Variants in RHBDD3 observed in about 807,000 individuals in gnomAD.
RHBDD3 encodes rhomboid domain containing 3.
Under a neutral mutation model 32.3 loss-of-function variants are expected in RHBDD3, and 34 were observed. That is an observed-to-expected ratio of 1.05 (90% confidence interval 0.80 to 1.40). RHBDD3 has a LOEUF of 1.40. Among genes scored for constraint, RHBDD3 ranks in the 40% most tolerant of loss-of-function variants. The pLI is 0.00. For missense variants in RHBDD3, 482 were observed against 492.6 expected (o/e 0.98, Z 0.20); for synonymous variants, 249 against 239.1 (o/e 1.04, Z -0.38).
chr22:29,261,161 C>T (rs1311603674), intron 4 of RHBDD3: 1 of 576,624 alleles, frequency 1.7e-6, no homozygotes, highest in Non-Finnish European at 3.2e-6. Context: ...GTCTGTAACT[C>T]AAGACCCACC....
At chr22:29,260,959 G>C in intron 4 of RHBDD3, 95 bp from the exon 5 acceptor site, 1 of 1,253,278 alleles carries the variant, frequency 8.0e-7, no homozygotes, top group Non-Finnish European at 1.1e-6. Flanking sequence ...AAGTGTGCTG[G>C]CCACCATTCC....
chr22:29,263,740 G>T (rs2015458945), intron 4 of RHBDD3, 95 bp downstream of exon 4: 2 of 1,443,824 alleles, frequency 1.4e-6, no homozygotes, highest in South Asian at 2.9e-5. Context: ...CCTTGGTATT[G>T]CTTGGGCCTT....
rs374925359 is a variant in RHBDD3 at position 29,265,552 on chromosome 22, C to T, written c.75G>A (p.Met25Ile). Residue 25 changes from methionine (M) to isoleucine (I), a missense_variant, in exon 3 of 7, where the codon ATG becomes ATA. Physicochemically the swap from Met to Ile is conservative, Grantham distance 10. Coordinates refer to ENST00000216085, the MANE Select transcript of RHBDD3 (RefSeq NM_012265.3). ...CGGCCCCCACCAGCCACAGGGTGCTCATCAGCAGCATCAGGACTGAGGAGG... is the reference window on the plus strand; with the variant it reads ...CGGCCCCCACCAGCCACAGGGTGCTTATCAGCAGCATCAGGACTGAGGAGG... Reference protein sequence around the residue: ...PLASSVLMLLMSTLWLVGAGP... With the variant: ...PLASSVLMLLISTLWLVGAGP... 5.0e-6 allele frequency: 8 copies of T among 1,588,080 alleles called. No individual in the cohort carries two copies. Among genetic ancestry groups the T allele is most frequent in the Non-Finnish European group, 6.0e-6 (7 of 1,170,786 alleles).
intron 3 of RHBDD3, chr22:29,265,242 G>A (rs1364692096): frequency 1.8e-5 from 7 of 393,702 alleles, no homozygotes; most frequent in Non-Finnish European, 3.1e-5. Context: ...TGCTAGAAAG[G>A]GAAACCATGA....
rs765186892 is a variant in RHBDD3, at chr22:29,260,735, G to T, written c.662C>A (p.Ala221Glu). Residue 221 changes from alanine to glutamate, a missense_variant, in exon 5 of 7, where the codon GCG becomes GAG. Transcript: ENST00000216085. ...GGCAGGATGGGTGACAGGCAGCTCC[G>T]CCAGGCTACCCGGGGTGGCAAGGAG... ...LRLLATPGSL[A>E]ELPVTHPAGV... The T allele has an allele frequency of 2.5e-6, 4 of 1,594,796 alleles. No individual in the cohort carries two copies. Among genetic ancestry groups the T allele is most frequent in the South Asian group, 2.3e-5 (2 of 88,034 alleles).
chr22:29,263,721 T>G, intron 4 of RHBDD3, 114 bp downstream of exon 4: 3 of 1,431,766 alleles, frequency 2.1e-6, no homozygotes, highest in Non-Finnish European at 2.7e-6. Context: ...GGAATGTGTG[T>G]GCACGGCTCC....
Position 29,260,529 on chromosome 22 carries a change from C to T in RHBDD3, c.780G>A (p.Leu260=). The stretch of plus-strand genomic sequence containing the variant: ...CCTCCCAGGTGGGCTGCACAGGCCT[C>T]AGGCTTGGTGGGGGCAGGGCTGAGT... ...WEDSALPPPS[L]RPVQPTWEGS... is the part of the protein sequence containing the mutation. Residue 260 remains leucine (L), a synonymous_variant, in exon 6 of 7, where the codon CTG becomes CTA. Coordinates refer to ENST00000216085, the MANE Select transcript of RHBDD3 (RefSeq NM_012265.3). 6.3e-7 allele frequency: 1 copy of T among 1,598,068 alleles called. No individual in the cohort carries two copies. The highest frequency in any genetic ancestry group is 8.5e-7 in the Non-Finnish European group (1 of 1,174,852).
At chr22:29,265,429 C>T (rs747083616) in intron 3 of RHBDD3, 50 bp downstream of exon 3, 1 of 1,450,778 alleles carries the variant, frequency 6.9e-7, no homozygotes, top group Non-Finnish European at 9.1e-7. Flanking sequence ...GGGCCCAGGC[C>T]CTACAGCAAG....
chr22:29,260,966 T>G, intron 4 of RHBDD3, 102 bp from the exon 5 acceptor site: 2 of 1,137,100 alleles, frequency 1.8e-6, no homozygotes, highest in Non-Finnish European at 2.4e-6. Flanking sequence ...CTGGCCACCA[T>G]TCCCTCCCGT....
intron 4 of RHBDD3, among the ~76,000 whole-genome samples, chr22:29,262,491 C>G (rs942084185): frequency 6.6e-6 from 1 of 152,094 alleles, no homozygotes; most frequent in South Asian, 2.1e-4. Context: ...TCCAGGTTTG[C>G]TTTTCTTTTT....
In RHBDD3 at chr22:29,260,422, A is replaced by T. The variant is rs766498937; in HGVS notation, c.887T>A (p.Met296Lys). 6.2e-7 allele frequency: 1 copy of T among 1,612,488 alleles called. No homozygotes were observed. Among genetic ancestry groups the T allele is most frequent in the South Asian group, 1.1e-5 (1 of 90,746 alleles). ...TPMWAALDEQ[M>K]LQEGIQASLL... Reference sequence around the variant, plus strand: ...CGAGGCCTGGATGCCCTCCTGCAGCATCTGCTCATCCAAGGCCGCCCACAT... The same window carrying T: ...CGAGGCCTGGATGCCCTCCTGCAGCTTCTGCTCATCCAAGGCCGCCCACAT... Residue 296 changes from methionine to lysine, a missense_variant, in exon 6 of 7, where the codon ATG becomes AAG. Physicochemically the swap from Met to Lys is moderately conservative, Grantham distance 95. Transcript: ENST00000216085.
Position 29,260,087 on chromosome 22 carries a change from G to C in RHBDD3, c.1134C>G (p.Ala378=), listed in dbSNP as rs2058091748. Residue 378 remains alanine (A), a synonymous_variant, in exon 7 of 7, where the codon GCC becomes GCG. Coordinates refer to ENST00000216085, the MANE Select transcript of RHBDD3 (RefSeq NM_012265.3). ...AGGGAGGCCCAGGACCCTCGGAGTGGGCAGGCCCACCCTTTCCATGGGTCA... is the reference window on the plus strand; with the variant it reads ...AGGGAGGCCCAGGACCCTCGGAGTGCGCAGGCCCACCCTTTCCATGGGTCA... ...TLVTHGKGGP[A]HSEGPGPP The C allele has an allele frequency of 6.4e-7, 1 of 1,573,028 alleles. No homozygotes were observed. Among genetic ancestry groups the C allele is most frequent in the Non-Finnish European group, 8.6e-7 (1 of 1,159,700 alleles).
intron 2 of RHBDD3, 70 bp downstream of exon 2, chr22:29,267,356 A>T (rs780741638): frequency 1.3e-5 from 2 of 152,748 alleles, no homozygotes; most frequent in Non-Finnish European, 2.9e-5. Context: ...CGGAACTGGG[A>T]CTTGAGCCCC....
At position 29,259,895 on chromosome 22, in the gene RHBDD3, T is replaced by C. The variant is rs541286452; in HGVS notation, c.*165A>G. 224 of 669,098 alleles carry C rather than the reference T, an allele frequency of 3.3e-4. 2 individuals are homozygous for C. Among genetic ancestry groups the C allele is most frequent in the Middle Eastern group, 2.9e-3 (7 of 2,416 alleles). The allele number at this position is 669,098 out of a possible 1,614,324, so 41.4% of individuals were successfully genotyped here. A position where few individuals can be genotyped will look rare whatever the true frequency, so the allele number is the denominator to read the frequency against. On this transcript the variant is annotated 3_prime_UTR_variant, in exon 7 of 7. Coordinates refer to ENST00000216085, the MANE Select transcript of RHBDD3 (RefSeq NM_012265.3). ...GGTTGAAAAACAAACTGGTTTTTAT[T>C]CTAAACACGTACTAGGGCAGCATGC...
intron 2 of RHBDD3, 24 bp from the exon 3 acceptor site, chr22:29,265,692 C>G: frequency 6.6e-7 from 1 of 1,509,890 alleles, no homozygotes; most frequent in South Asian, 1.3e-5. Flanking sequence ...AAAACAATAA[C>G]AAGTTATTAC....
Position 29,265,641 on chromosome 22 carries a change from C to T in RHBDD3, c.-15G>A, listed in dbSNP as rs371938218. The T allele has an allele frequency of 1.5e-4, 230 of 1,575,184 alleles. No individual in the cohort carries two copies. Among genetic ancestry groups the T allele is most frequent in the Middle Eastern group, 9.2e-4 (5 of 5,434 alleles). On this transcript the variant is annotated 5_prime_UTR_variant, in exon 3 of 7. Coordinates refer to ENST00000216085, the MANE Select transcript of RHBDD3 (RefSeq NM_012265.3). ...CTGGCATGCATCGCTTGGTTGAGGA[C>T]GGTCAAGGGTGGTCCTGGGGCTGTG...
chr22:29,265,751 C>G (rs1264504793), intron 2 of RHBDD3, 83 bp from the exon 3 acceptor site: 4 of 1,336,102 alleles, frequency 3.0e-6, no homozygotes, highest in Non-Finnish European at 2.9e-6. Context: ...ATCAACAGCC[C>G]TATTTTACAG....
At chr22:29,266,324 CAA>C (rs1377629206) in intron 2 of RHBDD3, among the ~76,000 whole-genome samples, 1 of 152,196 alleles carries the variant, frequency 6.6e-6, no homozygotes, top group Non-Finnish European at 1.5e-5. Context: ...TGTCCTGAGG[CAA>C]GTTTCCAACC....
chr22:29,263,908 A>G lies in RHBDD3; in HGVS notation c.459T>C (p.Leu153=). The change falls in exon 4 of 7, where the codon CTT becomes CTC. Residue 153 remains leucine (L), a synonymous_variant. Transcript: ENST00000216085. ...LPPWLSPWLL[L]ALTPLLSSEP... is the part of the protein sequence containing the mutation. Reference sequence around the variant, plus strand: ...CAGAGCTGAGCAGTGGGGTCAGGGCAAGCAGCAGCCACGGCGACAGCCACG... The same window carrying G: ...CAGAGCTGAGCAGTGGGGTCAGGGCGAGCAGCAGCCACGGCGACAGCCACG... 1 of 1,549,046 alleles carries G rather than the reference A, an allele frequency of 6.5e-7. No individual in the cohort carries two copies. Among genetic ancestry groups the G allele is most frequent in the Non-Finnish European group, 8.7e-7 (1 of 1,146,958 alleles).
Sources: gnomAD v4.1 joint callset for allele counts (sites outside exome capture counted in the v4.1 genomes callset) on GRCh38, gnomAD v4.1.1 for gene constraint, MANE v1.5 for transcripts, NCBI Gene and HGNC (gene_info 2026-07-23, HGNC 2026-07-21) for gene names.